Variants in AGXT observed in about 807,000 individuals in gnomAD.
The protein encoded by AGXT is alanine--glyoxylate aminotransferase, also known as L-alanine: glyoxylate aminotransferase 1.
In AGXT, 41 loss-of-function variants were observed where a neutral mutation model predicts 46.9. That is an observed-to-expected ratio of 0.88 (90% CI 0.68 to 1.14). AGXT has a LOEUF of 1.14. AGXT is among the 50% of genes most tolerant of loss of function. The pLI is 0.00. For synonymous variants in AGXT, 244 were observed against 227.9 expected (o/e 1.07, Z -0.64); for missense variants, 525 against 522.7 (o/e 1.00, Z -0.04).
At position 240,869,345 on chromosome 2, in the gene AGXT, A is replaced by T; in HGVS notation, c.341A>T (p.Asp114Val). ...ANGIWGQRAV[D>V]IGERIGARVH... The stretch of plus-strand genomic sequence containing the variant: ...GGCATTTGGGGGCAGCGAGCCGTGG[A>T]CATCGGGGAGCGCATAGGTAAGGGA... Residue 114 changes from aspartate (D) to valine (V), a missense_variant, in exon 2 of 11, where the codon GAC (aspartate) becomes GTC (valine). By Grantham distance (152) the Asp-to-Val change is radical. Transcript: ENST00000307503. 6.2e-7 allele frequency: 1 copy of T among 1,601,386 alleles called. No individual in the cohort carries two copies. The highest frequency in any genetic ancestry group is 8.5e-7 in the Non-Finnish European group (1 of 1,172,732).
intron 9 of AGXT, 21 bp downstream of exon 9, chr2:240,877,653 G>A (rs1206545788): frequency 2.6e-6 from 4 of 1,549,070 alleles, no homozygotes; most frequent in Non-Finnish European, 8.7e-7. Flanking sequence ...CCCTGGCATT[G>A]GGCAGCCCTG....
chr2:240,869,768 C>T (rs189435206), intron 2 of AGXT, among the ~76,000 whole-genome samples: 12 of 152,346 alleles, frequency 7.9e-5, no homozygotes, highest in Admixed American at 7.2e-4. Context: ...AGCAGCCTTC[C>T]TTCTGGAATC....
At chr2:240,873,463 C>T in intron 5 of AGXT, 1 of 273,882 alleles carries the variant, frequency 3.7e-6, no homozygotes, top group Non-Finnish European at 7.0e-6. Context: ...GCACCACTGT[C>T]AGGGTCACCT....
In AGXT at chr2:240,875,968, C is replaced by T. The variant is rs2059022625; in HGVS notation, c.810C>T (p.Tyr270=). Reference sequence around the variant, plus strand: ...ACACAATCCCCGTCATCAGCCTGTACAGCCTGAGAGAGAGCCTGGCCCTCA... The same window carrying T: ...ACACAATCCCCGTCATCAGCCTGTATAGCCTGAGAGAGAGCCTGGCCCTCA... The part of the protein sequence containing the change: ...YHHTIPVISL[Y]SLRESLALIA... Residue 270 remains tyrosine, a synonymous_variant, in exon 8 of 11, where the codon TAC becomes TAT. Coordinates refer to ENST00000307503, the MANE Select transcript of AGXT (RefSeq NM_000030.3). 2.5e-6 allele frequency: 4 copies of T among 1,614,100 alleles called. No individual in the cohort carries two copies. The highest frequency in any genetic ancestry group is 1.1e-5 in the South Asian group (1 of 91,090).
intron 6 of AGXT, 122 bp downstream of exon 6, chr2:240,874,184 C>A (rs541928579): frequency 1.1e-5 from 11 of 967,884 alleles, no homozygotes; most frequent in East Asian, 2.6e-5. Context: ...CAGCACCTGG[C>A]GCTCTCCCGC....
Position 240,878,782 on chromosome 2 carries a change from G to A in AGXT, c.1140G>A (p.Leu380=). Residue 380 remains leucine, a synonymous_variant, in exon 11 of 11, where the codon CTG becomes CTA. Coordinates refer to ENST00000307503, the MANE Select transcript of AGXT (RefSeq NM_000030.3). ...ATGTGGACCGCGTGACGGAGGCCCT[G>A]AGGGCGGCCCTGCAGCACTGCCCCA... ...RENVDRVTEA[L]RAALQHCPKK... 6.3e-7 allele frequency: 1 copy of A among 1,595,398 alleles called. No homozygotes were observed. Among genetic ancestry groups the A allele is most frequent in the Non-Finnish European group, 8.5e-7 (1 of 1,174,100 alleles).
rs1018649169 is a variant in AGXT at position 240,875,203 on chromosome 2, A to C, written c.775A>C (p.Met259Leu). The change falls in exon 7 of 11, where the codon ATG becomes CTG. Residue 259 changes from methionine to leucine, a missense_variant and splice_region_variant. Coordinates refer to ENST00000307503, the MANE Select transcript of AGXT (RefSeq NM_000030.3). ...NFWGCDDQPRMYHHTIPVISL... is the reference protein window; with the variant it reads ...NFWGCDDQPRLYHHTIPVISL... ...CTGGGGCTGTGACGACCAGCCCAGGATGTGAGGCCTGGCAGGGATGGGAAG... is the reference window on the plus strand; with the variant it reads ...CTGGGGCTGTGACGACCAGCCCAGGCTGTGAGGCCTGGCAGGGATGGGAAG... 2 of 1,610,820 alleles carry C rather than the reference A, an allele frequency of 1.2e-6. No individual in the cohort carries two copies. The highest frequency in any genetic ancestry group is 1.7e-5 in the Admixed American group (1 of 60,012).
At chr2:240,873,436 G>A in intron 5 of AGXT, 2 of 291,520 alleles carry the variant, frequency 6.9e-6, no homozygotes, top group South Asian at 4.4e-5. Flanking sequence ...GCCCTGCCAG[G>A]CTGCCCATAG....
chr2:240,872,953 C>T, intron 4 of AGXT, 26 bp from the exon 5 acceptor site: 1 of 1,610,250 alleles, frequency 6.2e-7, no homozygotes, highest in Non-Finnish European at 8.5e-7. Flanking sequence ...ACCTGCTGCC[C>T]TCCATTCTGT....
In AGXT at chr2:240,876,017, C is replaced by T. The variant is rs746486387; in HGVS notation, c.846+13C>T. 11 of 1,613,512 alleles carry T rather than the reference C, an allele frequency of 6.8e-6. No individual in the cohort carries two copies. In the South Asian group the frequency reaches 1.1e-4, roughly 16 times the overall value. On this transcript the variant is annotated intron_variant, in intron 8 of 10. Coordinates refer to ENST00000307503, the MANE Select transcript of AGXT (RefSeq NM_000030.3). ...CATTGCGGAACAGGTGCATGGGCTG[C>T]ACTCCACAGGAGGAGACAGGGCCAC...
chr2:240,879,321 G>A lies in AGXT; in HGVS notation c.*500G>A, dbSNP rs11897804. On this transcript the variant is annotated 3_prime_UTR_variant, in exon 11 of 11. Coordinates refer to ENST00000307503, the MANE Select transcript of AGXT (RefSeq NM_000030.3). ...GCACCACATCCAGGTGAACCCACAC[G>A]GCGCACAGGGCTGGTTGGAGACCCC... The A allele has an allele frequency of 0.22, 44,259 of 197,142 alleles. 8,958 individuals are homozygous for A. Among genetic ancestry groups the A allele is most frequent in the African/African-American group, 0.6 (25,518 of 42,694 alleles). The allele number at this position is 197,142 out of a possible 1,614,324, so 12.2% of individuals were successfully genotyped here.
In AGXT at chr2:240,878,731, G is replaced by A; in HGVS notation, c.1089G>A (p.Leu363=). 1 of 1,568,526 alleles carries A rather than the reference G, an allele frequency of 6.4e-7. No individual in the cohort carries two copies. Among genetic ancestry groups the A allele is most frequent in the Non-Finnish European group, 8.6e-7 (1 of 1,160,880 alleles). ...PSTGKVLRIG[L]LGCNATRENV... The stretch of plus-strand genomic sequence containing the variant: ...CCCCCCAGGTGCTGCGGATCGGCCT[G>A]CTGGGCTGCAATGCCACCCGCGAGA... Residue 363 remains leucine (L), a synonymous_variant, in exon 11 of 11, where the codon CTG becomes CTA. Transcript: ENST00000307503.
Position 240,875,156 on chromosome 2 carries a change from A to G in AGXT, c.728A>G (p.Asp243Gly), listed in dbSNP as rs758461370. 1 of 1,614,008 alleles carries G rather than the reference A, an allele frequency of 6.2e-7. No individual in the cohort carries two copies. The highest frequency in any genetic ancestry group is 1.7e-5 in the Admixed American group (1 of 60,018). ...RKTKPFSFYL[D>G]IKWLANFWGC... is the part of the protein sequence containing the mutation. ...ACGAAGCCCTTCTCCTTCTACCTGG[A>G]CATCAAGTGGCTGGCCAACTTCTGG... Residue 243 changes from aspartate to glycine, a missense_variant, in exon 7 of 11, where the codon GAC (aspartate) becomes GGC (glycine). By Grantham distance (94) the Asp-to-Gly change is moderately conservative. Transcript: ENST00000307503.
At chr2:240,869,094 C>T (rs796805620) in intron 1 of AGXT, 64 bp downstream of exon 1, 63 of 1,590,334 alleles carry the variant, frequency 4.0e-5, no homozygotes, top group East Asian at 7.5e-5. Flanking sequence ...AGATCGTGGA[C>T]GAGGGAAGGG....
rs368849509 is a variant in AGXT at position 240,869,131 on chromosome 2, C to T, written c.166-39C>T. Reference sequence around the variant, plus strand: ...GTCACTGCCTCCTCACTTGGGGAGGCGGGGAGCCTGGGTCTCACCCTATAC... The same window carrying T: ...GTCACTGCCTCCTCACTTGGGGAGGTGGGGAGCCTGGGTCTCACCCTATAC... On this transcript the variant is annotated intron_variant, in intron 1 of 10. Transcript: ENST00000307503. 256 of 1,570,226 alleles carry T rather than the reference C, an allele frequency of 1.6e-4. No homozygotes were observed. In the Middle Eastern group the frequency reaches 1.8e-3, roughly 11 times the overall value.
rs2059049002 is a variant in AGXT at position 240,879,894 on chromosome 2, T to G, written c.*1073T>G. ...TCACTTACTGTTTTTGACACTCACA[T>G]GTACCGTCGTGGGCGCCGGTGTGTC... On this transcript the variant is annotated 3_prime_UTR_variant, in exon 11 of 11. Transcript: ENST00000307503. 6.6e-6 allele frequency: 1 copy of G among 152,246 alleles called. No individual in the cohort carries two copies. Among genetic ancestry groups the G allele is most frequent in the Admixed American group, 6.5e-5 (1 of 15,286 alleles). The allele number at this position is 152,246 out of a possible 1,614,324, so 9.4% of individuals were successfully genotyped here. A position where few individuals can be genotyped will look rare whatever the true frequency, so the allele number is the denominator to read the frequency against.
In AGXT at chr2:240,869,360, T is replaced by C. The variant is rs1340766669; in HGVS notation, c.356T>C (p.Ile119Thr). Residue 119 changes from isoleucine (I) to threonine (T), a missense_variant and splice_region_variant, in exon 2 of 11, where the codon ATA (isoleucine) becomes ACA (threonine). Physicochemically the swap from Ile to Thr is moderately conservative, Grantham distance 89. Coordinates refer to ENST00000307503, the MANE Select transcript of AGXT (RefSeq NM_000030.3). ...CGAGCCGTGGACATCGGGGAGCGCA[T>C]AGGTAAGGGAGAGGCCCAGGTGGGG... ...GQRAVDIGERIGARVHPMTKD... is the reference protein window; with the variant it reads ...GQRAVDIGERTGARVHPMTKD... The C allele has an allele frequency of 1.3e-6, 2 of 1,586,328 alleles. No individual in the cohort carries two copies. Among genetic ancestry groups the C allele is most frequent in the East Asian group, 2.2e-5 (1 of 44,648 alleles).
intron 8 of AGXT, chr2:240,876,774 G>A (rs556183779): frequency 1.7e-4 from 27 of 160,874 alleles, no homozygotes; most frequent in African/African-American, 6.2e-4. Context: ...CCGCACCCGC[G>A]GGGGAAGGCG....
chr2:240,873,883 G>A (rs549809199), intron 5 of AGXT, 95 bp from the exon 6 acceptor site: 20 of 1,123,440 alleles, frequency 1.8e-5, no homozygotes, highest in Admixed American at 3.4e-5. Context: ...TGGTAGGGTC[G>A]TAGCCTACCA....
Sources: gnomAD v4.1 joint callset for allele counts (sites outside exome capture counted in the v4.1 genomes callset) on GRCh38, gnomAD v4.1.1 for gene constraint, MANE v1.5 for transcripts, NCBI Gene and HGNC (gene_info 2026-07-23, HGNC 2026-07-21) for gene names.